PCMTD1: variants seen among roughly 807,000 people sequenced by gnomAD.
The protein encoded by PCMTD1 is protein-L-isoaspartate (D-aspartate) O-methyltransferase domain containing 1.
Under a neutral mutation model 37.6 loss-of-function variants are expected in PCMTD1, and 12 were observed. That is an observed-to-expected ratio of 0.32 (90% CI 0.20 to 0.52). PCMTD1 has a LOEUF of 0.52. Ranked by LOEUF, PCMTD1 falls within the 20% of genes least tolerant of loss-of-function variation. The pLI, the probability that PCMTD1 is intolerant of heterozygous loss-of-function variation, is 0.97. For missense variants in PCMTD1, 235 were observed against 421.3 expected, an observed-to-expected ratio of 0.56 and a Z score of 3.87; for synonymous variants, 117 against 135.8, an observed-to-expected ratio of 0.86 and a Z score of 0.96.
rs374342778 is a variant in PCMTD1 at position 51,889,674 on chromosome 8, C to T, written c.-96+9256G>A. Among the ~76,000 whole-genome samples the T allele has an allele frequency of 1.7e-4, 26 of 152,208 alleles. 1 individual carries two copies. The South Asian group carries it at 3.3e-3, about 19-fold the overall frequency. ...CTCTTTGACAAGATGCAAAGTTATA[C>T]GAAAATGTGAAAATGTGGAAAGTAT... On this transcript the variant is annotated intron_variant, in intron 1 of 5. Coordinates refer to ENST00000522514, the MANE Select transcript of PCMTD1 (RefSeq NM_052937.4).
chr8:51,846,969 G>A (rs940899692), intron 2 of PCMTD1, among the ~76,000 whole-genome samples: 1 of 152,146 alleles, frequency 6.6e-6, no homozygotes, highest in Non-Finnish European at 1.5e-5. Context: ...AAAGGTGCTT[G>A]ATTCATCAAA....
chr8:51,820,775 T>C (rs1585777239), intron 5 of PCMTD1, 57 bp from the exon 6 acceptor site: 1 of 1,358,830 alleles, frequency 7.4e-7, no homozygotes, highest in Non-Finnish European at 9.7e-7. Flanking sequence ...CATTATCTAT[T>C]GTTTATTTTT....
chr8:51,852,539 T>C (rs1001682849), intron 2 of PCMTD1, among the ~76,000 whole-genome samples: 4 of 152,178 alleles, frequency 2.6e-5, no homozygotes, highest in Admixed American at 1.3e-4. Flanking sequence ...ATTCCTAAAT[T>C]TGCTTCTGAC....
At chr8:51,883,708 A>T (rs1176171662) in intron 1 of PCMTD1, among the ~76,000 whole-genome samples, 1 of 152,230 alleles carries the variant, frequency 6.6e-6, no homozygotes, top group East Asian at 1.9e-4. Flanking sequence ...GCATAAGGTT[A>T]CAAGAGCTTT....
intron 5 of PCMTD1, among the ~76,000 whole-genome samples, chr8:51,824,366 A>C (rs1303665880): frequency 6.6e-6 from 1 of 152,252 alleles, no homozygotes; most frequent in Non-Finnish European, 1.5e-5. Context: ...TACAAAATCA[A>C]CGTGCAAAAA....
In PCMTD1 at chr8:51,842,063, A is replaced by C. The variant is rs536747475; in HGVS notation, c.410+3598T>G. Among the ~76,000 whole-genome samples, 38 of 152,300 alleles carry C rather than the reference A, an allele frequency of 2.5e-4. No individual in the cohort carries two copies. The South Asian group carries it at 6.2e-3, about 25-fold the overall frequency. ...TGGGAAAAACTTGCCAATGTTTCAG[A>C]GGACCCTTGAAATCACATCATTTTT... On this transcript the variant is annotated intron_variant, in intron 3 of 5. Transcript: ENST00000522514.
At chr8:51,861,538 C>T (rs1400953638) in intron 1 of PCMTD1, among the ~76,000 whole-genome samples, 1 of 152,098 alleles carries the variant, frequency 6.6e-6, no homozygotes, top group South Asian at 2.1e-4. Context: ...TCACACATGG[C>T]TACCTAGATC....
intron 1 of PCMTD1, 145 bp downstream of exon 1, chr8:51,898,785 G>T: frequency 1.6e-6 from 1 of 610,706 alleles, no homozygotes; most frequent in Non-Finnish European, 2.1e-6. Context: ...CGACCTGCCC[G>T]CCCTTAAGTC....
rs2038468384 is a variant in PCMTD1 at position 51,861,478 on chromosome 8, A to T, written c.-95-232T>A. Among the ~76,000 whole-genome samples, 3 of 152,080 alleles carry T rather than the reference A, an allele frequency of 2.0e-5. 1 individual carries two copies. The South Asian group carries it at 6.2e-4, about 31-fold the overall frequency. On this transcript the variant is annotated intron_variant, in intron 1 of 5. Coordinates refer to ENST00000522514, the MANE Select transcript of PCMTD1 (RefSeq NM_052937.4). ...CAGATGGGAAAACTGGAACACAAAGAAGTCAAGTAAGTCACCTAGTACCGT... is the reference window on the plus strand; with the variant it reads ...CAGATGGGAAAACTGGAACACAAAGTAGTCAAGTAAGTCACCTAGTACCGT...
chr8:51,887,513 A>C (rs79030153), intron 1 of PCMTD1, among the ~76,000 whole-genome samples: 8,080 of 152,214 alleles, frequency 0.053, 223 homozygotes, highest in African/African-American at 0.077. Context: ...TTCTTAAGAT[A>C]GTCTAAAATC....
intron 1 of PCMTD1, among the ~76,000 whole-genome samples, chr8:51,891,576 A>G (rs1006616484): frequency 7.3e-5 from 11 of 151,720 alleles, no homozygotes; most frequent in African/African-American, 2.7e-4. Context: ...AAACAAAAAA[A>G]CACTCAAATC....
intron 3 of PCMTD1, among the ~76,000 whole-genome samples, chr8:51,842,871 C>G (rs1289946118): frequency 6.6e-6 from 1 of 152,096 alleles, no homozygotes; most frequent in Admixed American, 6.6e-5. Flanking sequence ...TATTTATTCT[C>G]TCTCCATTAC....
intron 1 of PCMTD1, among the ~76,000 whole-genome samples, chr8:51,865,917 T>C (rs2038548425): frequency 6.6e-6 from 1 of 151,830 alleles, no homozygotes; most frequent in East Asian, 1.9e-4. Context: ...CAGAAAATTG[T>C]AAAGACCCAC....
intron 5 of PCMTD1, among the ~76,000 whole-genome samples, chr8:51,823,476 A>G (rs1045772464): frequency 1.3e-5 from 2 of 152,018 alleles, no homozygotes; most frequent in Non-Finnish European, 2.9e-5. Flanking sequence ...AACAATTAAT[A>G]AAAAAAAGTT....
At chr8:51,824,550 C>T (rs893342353) in intron 5 of PCMTD1, among the ~76,000 whole-genome samples, 18 of 152,072 alleles carry the variant, frequency 1.2e-4, no homozygotes, top group African/African-American at 4.3e-4. Context: ...TAAGAGAGGG[C>T]ACAAACAAAT....
chr8:51,884,453 G>T (rs2038836301), intron 1 of PCMTD1, among the ~76,000 whole-genome samples: 1 of 152,188 alleles, frequency 6.6e-6, no homozygotes, highest in East Asian at 1.9e-4. Context: ...TGGCAAAAGG[G>T]AATAAAGTAA....
intron 1 of PCMTD1, among the ~76,000 whole-genome samples, chr8:51,863,575 C>T (rs1378938381): frequency 6.6e-6 from 1 of 152,126 alleles, no homozygotes; most frequent in Admixed American, 6.5e-5. Flanking sequence ...TCACCTGAGG[C>T]CAGGAGTTCA....
chr8:51,874,473 G>C (rs745823668), intron 1 of PCMTD1, among the ~76,000 whole-genome samples: 1 of 152,102 alleles, frequency 6.6e-6, no homozygotes, highest in Non-Finnish European at 1.5e-5. Context: ...CAGAAAACCA[G>C]TCTCTTAAAT....
chr8:51,897,771 C>G (rs1251150005), intron 1 of PCMTD1, among the ~76,000 whole-genome samples: 1 of 152,058 alleles, frequency 6.6e-6, no homozygotes, highest in Non-Finnish European at 1.5e-5. Context: ...AAGGCTTCCC[C>G]AAGCCTACGT....
Sources: gnomAD v4.1 joint callset for allele counts (sites outside exome capture counted in the v4.1 genomes callset) on GRCh38, gnomAD v4.1.1 for gene constraint, MANE v1.5 for transcripts, NCBI Gene and HGNC (gene_info 2026-07-23, HGNC 2026-07-21) for gene names.